CNTN5: variants seen among roughly 807,000 people sequenced by gnomAD.
CNTN5 encodes the protein contactin-5.
Under a neutral mutation model 129.1 loss-of-function variants are expected in CNTN5, and 77 were observed. That is an observed-to-expected ratio of 0.60 (90% confidence interval 0.50 to 0.72). CNTN5 has a LOEUF of 0.72. CNTN5 is among the 30% of genes least tolerant of loss of function. The pLI, the probability that CNTN5 is intolerant of heterozygous loss-of-function variation, is 0.00. For missense variants in CNTN5, 1,478 were observed against 1,328.8 expected (o/e 1.11, Z -1.75); for synonymous variants, 509 against 465.6 (o/e 1.09, Z -1.20).
intron 8 of CNTN5, among the ~76,000 whole-genome samples, chr11:99,962,063 G>C (rs1338228274): frequency 1.3e-5 from 2 of 151,970 alleles, no homozygotes; most frequent in South Asian, 2.1e-4. Flanking sequence ...TGCTTATAGA[G>C]TGATTACAAA....
chr11:99,952,792 G>A (rs1205630125), intron 7 of CNTN5, among the ~76,000 whole-genome samples: 1 of 152,046 alleles, frequency 6.6e-6, no homozygotes, highest in African/African-American at 2.4e-5. Context: ...AAAAAAATAG[G>A]GATTTTGGTA....
chr11:99,752,323 C>G (rs927020416), intron 3 of CNTN5, among the ~76,000 whole-genome samples: 1 of 152,170 alleles, frequency 6.6e-6, no homozygotes, highest in Non-Finnish European at 1.5e-5. Flanking sequence ...CTGAACTTTT[C>G]TCTTGCTATC....
intron 1 of CNTN5, among the ~76,000 whole-genome samples, chr11:99,287,948 G>A (rs181740223): frequency 1.9e-4 from 29 of 152,042 alleles, no homozygotes; most frequent in Admixed American, 2.6e-4. Context: ...TTCCAATTGC[G>A]ACAATCAAAT....
intron 1 of CNTN5, among the ~76,000 whole-genome samples, chr11:99,293,188 C>T (rs1480477755): frequency 1.3e-5 from 2 of 151,972 alleles, no homozygotes; most frequent in African/African-American, 4.8e-5. Flanking sequence ...AATGATCATA[C>T]GATTTTTATC....
chr11:100,246,382 T>C (rs1481585928), intron 16 of CNTN5, among the ~76,000 whole-genome samples: 1 of 148,172 alleles, frequency 6.7e-6, no homozygotes, highest in African/African-American at 2.4e-5. Flanking sequence ...TTATTCTGAC[T>C]CTTTGTCCAA....
At chr11:99,171,256 A>G (rs1861135699) in intron 1 of CNTN5, among the ~76,000 whole-genome samples, 2 of 152,350 alleles carry the variant, frequency 1.3e-5, no homozygotes, top group Non-Finnish European at 1.5e-5. Flanking sequence ...AAGCAACATT[A>G]TATACTACTA....
At chr11:99,920,856 T>C (rs1949920451) in intron 7 of CNTN5, among the ~76,000 whole-genome samples, 1 of 152,138 alleles carries the variant, frequency 6.6e-6, no homozygotes, top group Admixed American at 6.5e-5. Flanking sequence ...AACATACTAC[T>C]TTTGAGGGGA....
intron 3 of CNTN5, among the ~76,000 whole-genome samples, chr11:99,784,224 C>T (rs1945426864): frequency 6.6e-6 from 1 of 151,982 alleles, no homozygotes; most frequent in South Asian, 2.1e-4. Flanking sequence ...ATACATGTGC[C>T]ATGGTGGTTT....
At chr11:99,337,609 A>AGCTTGGGTGTTCCTTGCC (rs1866287511) in intron 2 of CNTN5, among the ~76,000 whole-genome samples, 1 of 152,100 alleles carries the variant, frequency 6.6e-6, no homozygotes, top group African/African-American at 2.4e-5. Context: ...CCGTAAACCC[A>AGCTTGGGTGTTCCTTGCC]CAACCTTCCA....
At chr11:99,410,092 A>G (rs1942321954) in intron 2 of CNTN5, among the ~76,000 whole-genome samples, 2 of 152,338 alleles carry the variant, frequency 1.3e-5, no homozygotes, top group African/African-American at 4.8e-5. Context: ...TTTGCAAAAC[A>G]TATTTATAAG....
At position 99,217,479 on chromosome 11, in the gene CNTN5, T is replaced by G. The variant is rs114030203; in HGVS notation, c.-209-107867T>G. On this transcript the variant is annotated intron_variant, in intron 1 of 24. Coordinates refer to ENST00000524871, the MANE Select transcript of CNTN5 (RefSeq NM_014361.4). ...AAGAGGAATCCTTGTACACTGTTGG[T>G]GAGGATGTAAATTGGTATAGCCACT... 2.9e-3 allele frequency among the ~76,000 whole-genome samples: 446 copies of G among 152,292 alleles called. 1 individual carries two copies. The highest frequency in any genetic ancestry group is 0.01 in the African/African-American group (426 of 41,566).
At chr11:99,766,822 T>G (rs562138370) in intron 3 of CNTN5, among the ~76,000 whole-genome samples, 4 of 152,162 alleles carry the variant, frequency 2.6e-5, no homozygotes, top group African/African-American at 9.6e-5. Flanking sequence ...AATGACATAG[T>G]CAAGAGCATT....
intron 7 of CNTN5, among the ~76,000 whole-genome samples, chr11:99,937,324 C>T (rs1042540089): frequency 1.3e-5 from 2 of 152,184 alleles, no homozygotes; most frequent in African/African-American, 2.4e-5. Flanking sequence ...AATGCGTTCT[C>T]TTATGCTGTT....
intron 1 of CNTN5, among the ~76,000 whole-genome samples, chr11:99,311,452 T>A (rs1865112371): frequency 6.6e-6 from 1 of 152,144 alleles, no homozygotes; most frequent in Non-Finnish European, 1.5e-5. Flanking sequence ...GAGTGACAAT[T>A]TAGGACAATT....
intron 1 of CNTN5, among the ~76,000 whole-genome samples, chr11:99,203,050 G>A (rs1040996674): frequency 1.3e-5 from 2 of 151,950 alleles, no homozygotes; most frequent in African/African-American, 4.8e-5. Context: ...AGGAAGAGAG[G>A]GAGGAAGGGA....
chr11:99,760,844 G>A (rs1228375), intron 3 of CNTN5, among the ~76,000 whole-genome samples: 71,558 of 151,864 alleles, frequency 0.47, 17,329 homozygotes, highest in Non-Finnish European at 0.54. Flanking sequence ...CACACACACA[G>A]AGGTTTGTTT....
At chr11:99,415,208 C>T (rs976184814) in intron 2 of CNTN5, among the ~76,000 whole-genome samples, 2 of 152,168 alleles carry the variant, frequency 1.3e-5, no homozygotes. Flanking sequence ...AAGTTTTACA[C>T]AACACGTTGA....
At chr11:100,290,414 G>A (rs1169885404) in intron 18 of CNTN5, among the ~76,000 whole-genome samples, 2 of 149,342 alleles carry the variant, frequency 1.3e-5, no homozygotes, top group African/African-American at 4.9e-5. Flanking sequence ...CAGAGATATA[G>A]ATCAATGGAA....
At chr11:99,071,684 A>C (rs1865348265) in intron 1 of CNTN5, among the ~76,000 whole-genome samples, 1 of 152,082 alleles carries the variant, frequency 6.6e-6, no homozygotes, top group African/African-American at 2.4e-5. Flanking sequence ...TACTTCATAA[A>C]GTCTAGAATA....
Sources: gnomAD v4.1 joint callset for allele counts (sites outside exome capture counted in the v4.1 genomes callset) on GRCh38, gnomAD v4.1.1 for gene constraint, MANE v1.5 for transcripts, NCBI Gene and HGNC (gene_info 2026-07-23, HGNC 2026-07-21) for gene names.